The following ERI3 variants were observed in gnomAD, a reference collection of about 807,000 sequenced individuals.
ERI3 encodes ERI1 exoribonuclease 3.
A neutral mutation model predicts 44.4 loss-of-function variants in ERI3; 18 were observed. The observed-to-expected ratio is 0.41, with a 90% CI of 0.28 to 0.60. ERI3 has a LOEUF of 0.60. Ranked by LOEUF, ERI3 falls within the 20% of genes least tolerant of loss-of-function variation. The pLI is 0.36. For missense variants in ERI3, 294 were observed against 435.5 expected (o/e 0.68, Z 2.89); for synonymous variants, 183 against 164.8 (o/e 1.11, Z -0.84).
chr1:44,313,726 C>A (rs1007801927), intron 4 of ERI3, among the ~76,000 whole-genome samples: 1 of 152,106 alleles, frequency 6.6e-6, no homozygotes. Flanking sequence ...CTGCCCCCTC[C>A]CACACTCTCC....
chr1:44,257,944 A>G (rs1287322342), intron 7 of ERI3, among the ~76,000 whole-genome samples: 2 of 152,160 alleles, frequency 1.3e-5, no homozygotes, highest in African/African-American at 4.8e-5. Context: ...CTAAGTTCTT[A>G]TGTTCTCCCA....
chr1:44,337,534 T>C (rs1302117576), intron 3 of ERI3, among the ~76,000 whole-genome samples: 2 of 152,184 alleles, frequency 1.3e-5, no homozygotes, highest in African/African-American at 4.8e-5. Context: ...TAAGTGTGGC[T>C]TGAGTAGCTC....
intron 2 of ERI3, among the ~76,000 whole-genome samples, chr1:44,342,858 T>TAAA (rs1408660607): frequency 8.8e-5 from 1 of 11,356 alleles, no homozygotes; most frequent in Non-Finnish European, 1.6e-4. Context: ...TATATATATA[T>TAAA]TTTTTTTTTT....
intron 1 of ERI3, chr1:44,353,354 A>C (rs1646935385): frequency 1.0e-6 from 1 of 985,346 alleles, no homozygotes; most frequent in Admixed American, 6.1e-5. Flanking sequence ...ATAGACTAGG[A>C]AACACTTTCA....
intron 3 of ERI3, among the ~76,000 whole-genome samples, chr1:44,323,837 G>T (rs1439085706): frequency 6.6e-6 from 1 of 152,154 alleles, no homozygotes; most frequent in East Asian, 1.9e-4. Flanking sequence ...TCCAAAATGG[G>T]AAAATGAGAA....
In ERI3 at chr1:44,304,457, A is replaced by C. The variant is rs149970915; in HGVS notation, c.758+3853T>G. Among the ~76,000 whole-genome samples, 30 of 152,292 alleles carry C rather than the reference A, an allele frequency of 2.0e-4. 1 individual carries two copies. In the East Asian group the frequency reaches 5.6e-3, roughly 28 times the overall value. ...AGCCAGAGAAACAGAAAACATAACAAAAGTACAGATAAAGATGATTTCAAG... is the reference window on the plus strand; with the variant it reads ...AGCCAGAGAAACAGAAAACATAACACAAGTACAGATAAAGATGATTTCAAG... On this transcript the variant is annotated intron_variant, in intron 6 of 8. Coordinates refer to ENST00000372257, the MANE Select transcript of ERI3 (RefSeq NM_024066.3).
At chr1:44,295,503 A>G (rs2154325467) in intron 6 of ERI3, among the ~76,000 whole-genome samples, 1 of 152,280 alleles carries the variant, frequency 6.6e-6, no homozygotes, top group South Asian at 2.1e-4. Flanking sequence ...AGCTCTCAAC[A>G]GGTGCTGACT....
At chr1:44,243,141 C>G (rs1465778053) in intron 8 of ERI3, among the ~76,000 whole-genome samples, 1 of 152,226 alleles carries the variant, frequency 6.6e-6, no homozygotes, top group Non-Finnish European at 1.5e-5. Flanking sequence ...CCCAGGCCCC[C>G]ACCCTGCCAC....
chr1:44,308,820 A>G (rs542906465), intron 5 of ERI3, among the ~76,000 whole-genome samples: 53 of 152,282 alleles, frequency 3.5e-4, no homozygotes, highest in South Asian at 6.2e-4. Flanking sequence ...TCACTCATTC[A>G]TTTATTTGTT....
chr1:44,234,460 G>C (rs1268603868), intron 8 of ERI3, among the ~76,000 whole-genome samples: 4 of 151,666 alleles, frequency 2.6e-5, no homozygotes, highest in Admixed American at 6.6e-5. Flanking sequence ...TCAGGATTTC[G>C]AGACCAGCCT....
chr1:44,231,535 C>A (rs1226930566), intron 8 of ERI3, among the ~76,000 whole-genome samples: 1 of 151,708 alleles, frequency 6.6e-6, no homozygotes, highest in Non-Finnish European at 1.5e-5. Flanking sequence ...CCATGCCTGG[C>A]TTTTTTTTGT....
chr1:44,269,317 C>T (rs192401986), intron 7 of ERI3, among the ~76,000 whole-genome samples: 120 of 152,318 alleles, frequency 7.9e-4, no homozygotes, highest in African/African-American at 2.7e-3. Context: ...CCAGAGCCCA[C>T]GTCTTTAGTT....
intron 6 of ERI3, among the ~76,000 whole-genome samples, chr1:44,298,517 TGTA>T (rs1162502269): frequency 6.6e-6 from 1 of 152,202 alleles, no homozygotes; most frequent in East Asian, 1.9e-4. Flanking sequence ...ATAAATAAAA[TGTA>T]GTATAATACA....
intron 6 of ERI3, among the ~76,000 whole-genome samples, chr1:44,292,514 A>G (rs775508877): frequency 1.3e-5 from 2 of 152,212 alleles, no homozygotes; most frequent in Admixed American, 1.3e-4. Flanking sequence ...GAAGATAACC[A>G]TAGCAGACAC....
At chr1:44,312,587 G>A (rs1192450264) in intron 5 of ERI3, among the ~76,000 whole-genome samples, 2 of 152,194 alleles carry the variant, frequency 1.3e-5, no homozygotes, top group Non-Finnish European at 2.9e-5. Flanking sequence ...CCTCACATAG[G>A]CAATTGTTGT....
intron 6 of ERI3, among the ~76,000 whole-genome samples, chr1:44,301,298 C>A (rs1645721006): frequency 6.6e-6 from 1 of 152,172 alleles, no homozygotes; most frequent in African/African-American, 2.4e-5. Flanking sequence ...ACCTCCTCCC[C>A]CTGCCCCCAC....
chr1:44,293,592 A>G (rs1645552291), intron 6 of ERI3, among the ~76,000 whole-genome samples: 1 of 152,154 alleles, frequency 6.6e-6, no homozygotes, highest in Non-Finnish European at 1.5e-5. Context: ...AGGAAGCTAC[A>G]TTTCCCCCAC....
Position 44,308,408 on chromosome 1 carries a change from A to G in ERI3, c.667-7T>C, listed in dbSNP as rs775296091. 6.2e-7 allele frequency: 1 copy of G among 1,612,500 alleles called. No individual in the cohort carries two copies. The highest frequency in any genetic ancestry group is 1.1e-5 in the South Asian group (1 of 91,030). ...CCATCCATTCATCGACCCTCTGAAA[A>G]GTACACAAGAACAAATGAGATTTTC... On this transcript the variant is annotated splice_polypyrimidine_tract_variant and splice_region_variant and intron_variant, in intron 5 of 8. Transcript: ENST00000372257.
At chr1:44,249,911 T>C (rs1358312623) in intron 7 of ERI3, among the ~76,000 whole-genome samples, 1 of 151,860 alleles carries the variant, frequency 6.6e-6, no homozygotes, top group Non-Finnish European at 1.5e-5. Flanking sequence ...AATAAAGAAA[T>C]AACAATCTAC....
Sources: gnomAD v4.1 joint callset for allele counts (sites outside exome capture counted in the v4.1 genomes callset) on GRCh38, gnomAD v4.1.1 for gene constraint, MANE v1.5 for transcripts, NCBI Gene and HGNC (gene_info 2026-07-23, HGNC 2026-07-21) for gene names.